The following GRIK5 variants were observed in gnomAD, a reference collection of about 807,000 sequenced individuals.
GRIK5 encodes glutamate ionotropic receptor kainate type subunit 5, also known as glutamate receptor ionotropic, kainate 5.
GRIK5 carries 43 observed loss-of-function variants against 97.4 expected under a neutral mutation model. The observed-to-expected ratio is 0.44, with a 90% confidence interval of 0.35 to 0.57. The LOEUF is 0.57. Ranked by LOEUF, GRIK5 falls within the 20% of genes least tolerant of loss-of-function variation. GRIK5 has a pLI of 0.01. For missense variants in GRIK5, 1,015 were observed against 1,382.0 expected (o/e 0.73, Z 4.21); for synonymous variants, 580 against 583.5 (o/e 0.99, Z 0.09).
intron 5 of GRIK5, among the ~76,000 whole-genome samples, chr19:42,061,672 C>G (rs989948761): frequency 1.3e-5 from 2 of 152,122 alleles, no homozygotes; most frequent in Admixed American, 1.3e-4. Flanking sequence ...CCATCCCTAG[C>G]CCCACCCTCT....
intron 12 of GRIK5, among the ~76,000 whole-genome samples, chr19:42,039,996 A>AG (rs2075959236): frequency 6.6e-6 from 1 of 151,980 alleles, no homozygotes; most frequent in Non-Finnish European, 1.5e-5. Context: ...AAAAAAAAAA[A>AG]GGACACACGC....
At chr19:42,036,717 T>A (rs1446810275) in intron 12 of GRIK5, among the ~76,000 whole-genome samples, 1 of 152,188 alleles carries the variant, frequency 6.6e-6, no homozygotes, top group Non-Finnish European at 1.5e-5. Flanking sequence ...GACTCCTTGA[T>A]AGAATCAGTC....
chr19:42,065,743 TCAG>T lies in GRIK5; in HGVS notation c.25_27del (p.Leu9del), dbSNP rs771943564. Reference sequence around the variant, plus strand: ...CAGCTGGGGCTGGCGAAGGCAACAATCAGCAGCAGCAGCAGCTCAGCCGGCATC... The same window carrying T: ...CAGCTGGGGCTGGCGAAGGCAACAATCAGCAGCAGCAGCTCAGCCGGCATC... On this transcript the variant is annotated inframe_deletion, in exon 2 of 20. Coordinates refer to ENST00000593562, the MANE Select transcript of GRIK5 (RefSeq NM_002088.5). This position sits in a 1 kb window ranked among gnomAD's most constrained non-coding sequence, Gnocchi z 5.8. The T allele has an allele frequency of 2.7e-5, 43 of 1,594,150 alleles. No homozygotes were observed. Among genetic ancestry groups the T allele is most frequent in the Admixed American group, 1.0e-4 (6 of 58,022 alleles).
chr19:42,006,188 C>T lies in GRIK5; in HGVS notation c.2038-240G>A, dbSNP rs894514991. ...CTGGGGGGCCCGGTGAGTGCACCTC[C>T]ACCTCCTTCCCCTTAACCCTCCAGC... On this transcript the variant is annotated intron_variant, in intron 16 of 19. Transcript: ENST00000593562. The surrounding 1 kb of genome is among the most constrained non-coding windows in gnomAD (Gnocchi z 5.3). Among the ~76,000 whole-genome samples the T allele has an allele frequency of 2.0e-5, 3 of 152,120 alleles. No homozygotes were observed. Among genetic ancestry groups the T allele is most frequent in the African/African-American group, 7.2e-5 (3 of 41,412 alleles).
chr19:42,065,479 G>A lies in GRIK5; in HGVS notation c.80-92C>T, dbSNP rs1352784597. The A allele has an allele frequency of 3.0e-6, 4 of 1,333,116 alleles. No homozygotes were observed. Among genetic ancestry groups the A allele is most frequent in the Non-Finnish European group, 4.1e-6 (4 of 978,436 alleles). The allele number at this position is 1,333,116 out of a possible 1,614,324, so 82.6% of individuals were successfully genotyped here. A position where few individuals can be genotyped will look rare whatever the true frequency, so the allele number is the denominator to read the frequency against. On this transcript the variant is annotated intron_variant, in intron 2 of 19. Transcript: ENST00000593562. The surrounding 1 kb of genome is among the most constrained non-coding windows in gnomAD (Gnocchi z 5.8). The stretch of plus-strand genomic sequence containing the variant: ...GACTCCAGGGCTCTAGGGTGAGGTG[G>A]GTATACGGACCAGGGGTCTAGACAC...
chr19:42,064,358 T>C (rs1326691171), intron 3 of GRIK5, among the ~76,000 whole-genome samples: 1 of 152,156 alleles, frequency 6.6e-6, no homozygotes, highest in African/African-American at 2.4e-5. Flanking sequence ...AGCTCTGAAG[T>C]ATCTCACAAT....
At position 42,022,809 on chromosome 19, in the gene GRIK5, C is replaced by T; in HGVS notation, c.1474-455G>A. 4.0e-6 allele frequency: 1 copy of T among 249,780 alleles called. No homozygotes were observed. The highest frequency in any genetic ancestry group is 6.3e-6 in the Non-Finnish European group (1 of 157,528). 15.5% of individuals were successfully genotyped at this position (249,780 alleles called of 1,614,324 possible). A position where few individuals can be genotyped will look rare whatever the true frequency, so the allele number is the denominator to read the frequency against. On this transcript the variant is annotated intron_variant, in intron 12 of 19. Transcript: ENST00000593562. The surrounding 1 kb of genome is among the most constrained non-coding windows in gnomAD (Gnocchi z 4.2). ...TGACCCCGGGTGGGGAGGAAGGGTG[C>T]AGGTCAGCATGTGCCCACAGCCAGT...
chr19:42,001,800 T>G, intron 19 of GRIK5: 1 of 309,648 alleles, frequency 3.2e-6, no homozygotes. Context: ...TAAAAGCTGT[T>G]AAGGTCATTT....
Position 42,006,268 on chromosome 19 carries a change from A to G in GRIK5, c.2038-320T>C, listed in dbSNP as rs782492713. 7.9e-5 allele frequency among the ~76,000 whole-genome samples: 12 copies of G among 151,958 alleles called. No homozygotes were observed. The highest frequency in any genetic ancestry group is 1.8e-4 in the Non-Finnish European group (12 of 67,974). Reference sequence around the variant, plus strand: ...TTAGACCACTAGGACCTCCCTGCCAAGCTTGCTTTCCTCTTCTTTCCTTCC... The same window carrying G: ...TTAGACCACTAGGACCTCCCTGCCAGGCTTGCTTTCCTCTTCTTTCCTTCC... On this transcript the variant is annotated intron_variant, in intron 16 of 19. Coordinates refer to ENST00000593562, the MANE Select transcript of GRIK5 (RefSeq NM_002088.5). This position sits in a 1 kb window ranked among gnomAD's most constrained non-coding sequence, Gnocchi z 5.3.
Position 42,003,228 on chromosome 19 carries a change from G to A in GRIK5, c.2514+104C>T, listed in dbSNP as rs1225415098. On this transcript the variant is annotated intron_variant, in intron 19 of 19. Coordinates refer to ENST00000593562, the MANE Select transcript of GRIK5 (RefSeq NM_002088.5). The surrounding 1 kb of genome is among the most constrained non-coding windows in gnomAD (Gnocchi z 4.2). ...CTGCATTCCTCTGCCCCCTTCTCGC[G>A]ATCCCCACCACCCTCCAGGTATGGC... 19 of 1,061,242 alleles carry A rather than the reference G, an allele frequency of 1.8e-5. No individual in the cohort carries two copies. The highest frequency in any genetic ancestry group is 3.1e-5 in the African/African-American group (2 of 63,954). 65.7% of individuals were successfully genotyped at this position (1,061,242 alleles called of 1,614,324 possible).
intron 12 of GRIK5, among the ~76,000 whole-genome samples, chr19:42,036,571 G>C (rs2075908120): frequency 6.6e-6 from 1 of 152,116 alleles, no homozygotes; most frequent in Non-Finnish European, 1.5e-5. Flanking sequence ...GCCAAGGTTG[G>C]TCTTGAACTC....
intron 11 of GRIK5, among the ~76,000 whole-genome samples, chr19:42,049,280 A>C (rs1300911621): frequency 6.6e-6 from 1 of 152,162 alleles, no homozygotes; most frequent in Non-Finnish European, 1.5e-5. Flanking sequence ...AAGCTAGGAC[A>C]AACACCCTGG....
intron 8 of GRIK5, among the ~76,000 whole-genome samples, chr19:42,055,089 A>T (rs2076165335): frequency 6.6e-6 from 1 of 152,180 alleles, no homozygotes; most frequent in Non-Finnish European, 1.5e-5. Flanking sequence ...ATGTGCTGTT[A>T]CGGGGCTCCG....
At position 42,065,623 on chromosome 19, in the gene GRIK5, G is replaced by A. The variant is rs2076320479; in HGVS notation, c.79+69C>T. ...GCTGAGACCTGGACCCTGACGGACTGGCATGCCTGGGTCCCCAGAGGAGCC... is the reference window on the plus strand; with the variant it reads ...GCTGAGACCTGGACCCTGACGGACTAGCATGCCTGGGTCCCCAGAGGAGCC... On this transcript the variant is annotated intron_variant, in intron 2 of 19. Coordinates refer to ENST00000593562, the MANE Select transcript of GRIK5 (RefSeq NM_002088.5). This position sits in a 1 kb window ranked among gnomAD's most constrained non-coding sequence, Gnocchi z 5.8. 7.8e-7 allele frequency: 1 copy of A among 1,286,332 alleles called. No homozygotes were observed. Among genetic ancestry groups the A allele is most frequent in the East Asian group, 2.5e-5 (1 of 39,612 alleles). 79.7% of individuals were successfully genotyped at this position (1,286,332 alleles called of 1,614,324 possible). A position where few individuals can be genotyped will look rare whatever the true frequency, so the allele number is the denominator to read the frequency against.
At position 42,006,639 on chromosome 19, in the gene GRIK5, C is replaced by T. The variant is rs1555872749; in HGVS notation, c.2037+6G>A. 1.2e-6 allele frequency: 2 copies of T among 1,613,036 alleles called. No homozygotes were observed. Among genetic ancestry groups the T allele is most frequent in the Non-Finnish European group, 1.7e-6 (2 of 1,179,370 alleles). On this transcript the variant is annotated splice_donor_region_variant and intron_variant, in intron 16 of 19. Coordinates refer to ENST00000593562, the MANE Select transcript of GRIK5 (RefSeq NM_002088.5). The surrounding 1 kb of genome is among the most constrained non-coding windows in gnomAD (Gnocchi z 5.3). ...CACCACGCCTGAGAGGTTCTGGTGG[C>T]CCCACCTGGAAGAAGGTCATGGTGG...
chr19:42,009,137 A>T (rs546833834), intron 15 of GRIK5, among the ~76,000 whole-genome samples: 1 of 152,220 alleles, frequency 6.6e-6, no homozygotes, highest in African/African-American at 2.4e-5. Context: ...CTGAGGTGGG[A>T]GGATCACTTG....
At chr19:42,012,108 G>A (rs1005075629) in intron 15 of GRIK5, among the ~76,000 whole-genome samples, 7 of 152,252 alleles carry the variant, frequency 4.6e-5, no homozygotes, top group East Asian at 1.9e-4. Flanking sequence ...TTGAACCAGC[G>A]GCTGGCTAAC....
In GRIK5 at chr19:42,006,743, G is replaced by A. The variant is rs1416464982; in HGVS notation, c.1939C>T (p.Arg647Cys). 1 of 1,613,780 alleles carries A rather than the reference G, an allele frequency of 6.2e-7. No individual in the cohort carries two copies. The highest frequency in any genetic ancestry group is 8.5e-7 in the Non-Finnish European group (1 of 1,179,772). The change falls in exon 16 of 20, where the codon CGC (arginine) becomes TGC (cysteine). Residue 647 changes from arginine (R) to cysteine (C), a missense_variant. By Grantham distance (180) the Arg-to-Cys change is radical. Coordinates refer to ENST00000593562, the MANE Select transcript of GRIK5 (RefSeq NM_002088.5). This position sits in a 1 kb window ranked among gnomAD's most constrained non-coding sequence, Gnocchi z 5.3. ...GCCGACTCCACAGGCACCTCCATGC[G>A]CTGCACGGTGAGGAAGGCGGCCAGG... is the stretch of plus-strand genomic sequence containing the variant. ...ANLAAFLTVQ[R>C]MEVPVESADD... is the part of the protein sequence containing the mutation.
chr19:42,005,744 A>G lies in GRIK5; in HGVS notation c.2242T>C (p.Tyr748His). The G allele has an allele frequency of 6.2e-7, 1 of 1,612,344 alleles. No individual in the cohort carries two copies. Among genetic ancestry groups the G allele is most frequent in the South Asian group, 1.1e-5 (1 of 91,016 alleles). The change falls in exon 17 of 20, where the codon TAC becomes CAC. Residue 748 changes from tyrosine to histidine, a missense_variant. Physicochemically the swap from Tyr to His is moderately conservative, Grantham distance 83 (BLOSUM62 2). Around this residue, in one of 5 missense-constraint regions of GRIK5, gnomAD observed 229 missense variants for 341.0 expected, o/e 0.67. Coordinates refer to ENST00000593562, the MANE Select transcript of GRIK5 (RefSeq NM_002088.5). ...QIGGLLDTKGYGIGMPLGSPF... is the reference protein window; with the variant it reads ...QIGGLLDTKGHGIGMPLGSPF... ...GTACCCAGCGGCATGCCAATGCCGT[A>G]GCCCTTGGTGTCGAGGAGTCCCCCG...
Sources: gnomAD v4.1 joint callset for allele counts (sites outside exome capture counted in the v4.1 genomes callset) on GRCh38, gnomAD v4.1.1 for gene constraint, gnomAD v4.1.1 regional missense constraint, Gnocchi (gnomAD v3.1) non-coding constraint, MANE v1.5 for transcripts, NCBI Gene and HGNC (gene_info 2026-07-23, HGNC 2026-07-21) for gene names.